Variants in HTR3B observed in about 807,000 individuals in gnomAD.
HTR3B encodes 5-hydroxytryptamine (serotonin) receptor 3B, ionotropic.
In HTR3B, 44 loss-of-function variants were observed where a neutral mutation model predicts 42.8. The ratio of observed to expected loss-of-function variants is 1.03; its 90% CI spans 0.81 to 1.32. HTR3B has a LOEUF of 1.32. Among genes scored for constraint, HTR3B ranks in the 40% most tolerant of loss-of-function variants. HTR3B has a pLI of 0.00. For synonymous variants in HTR3B, 203 were observed against 209.0 expected (o/e 0.97, Z 0.25); for missense variants, 527 against 536.5 (o/e 0.98, Z 0.17).
In HTR3B at chr11:113,946,188, G is replaced by C; in HGVS notation, c.*51G>C. 2 of 1,439,852 alleles carry C rather than the reference G, an allele frequency of 1.4e-6. No homozygotes were observed. The highest frequency in any genetic ancestry group is 9.7e-7 in the Non-Finnish European group (1 of 1,028,020). 89.2% of individuals were successfully genotyped at this position (1,439,852 alleles called of 1,614,324 possible). A position where few individuals can be genotyped will look rare whatever the true frequency, so the allele number is the denominator to read the frequency against. On this transcript the variant is annotated 3_prime_UTR_variant, in exon 9 of 9. Transcript: ENST00000260191. Reference sequence around the variant, plus strand: ...TGCTGGCACTTAGGAGAGAGAGGAGGGGGAATAATAGTGGGTTAAAAAGCT... The same window carrying C: ...TGCTGGCACTTAGGAGAGAGAGGAGCGGGAATAATAGTGGGTTAAAAAGCT...
Position 113,904,884 on chromosome 11 carries a change from T to C in HTR3B, c.-50T>C, listed in dbSNP as rs1369732811. 5.5e-6 allele frequency: 8 copies of C among 1,453,638 alleles called. No homozygotes were observed. Among genetic ancestry groups the C allele is most frequent in the Non-Finnish European group, 7.7e-6 (8 of 1,034,064 alleles). The allele number at this position is 1,453,638 out of a possible 1,614,324, so 90.0% of individuals were successfully genotyped here. On this transcript the variant is annotated 5_prime_UTR_variant, in exon 1 of 9. Coordinates refer to ENST00000260191, the MANE Select transcript of HTR3B (RefSeq NM_006028.5). ...CCTGTTAGGAGAAATTGAGCGGCAT[T>C]CCATCTGGTAGGCAAGTTTGCATTT...
At position 113,948,620 on chromosome 11, in the gene HTR3B, T is replaced by A. The variant is rs1162431105; in HGVS notation, c.*2483T>A. Among the ~76,000 whole-genome samples the A allele has an allele frequency of 6.6e-6, 1 of 152,148 alleles. No homozygotes were observed. The highest frequency in any genetic ancestry group is 2.4e-5 in the African/African-American group (1 of 41,446). ...GGCTCACGCCTATAATCCCAACACT[T>A]TGGGAGGCTGAGGTGGGTGGATTAC... On this transcript the variant is annotated 3_prime_UTR_variant, in exon 9 of 9. Transcript: ENST00000260191.
At chr11:113,944,065 G>A (rs1010550913) in intron 7 of HTR3B, among the ~76,000 whole-genome samples, 7 of 149,482 alleles carry the variant, frequency 4.7e-5, no homozygotes, top group Non-Finnish European at 8.9e-5. Context: ...GTGTCTCCAG[G>A]CTGGAGTGCA....
At chr11:113,927,353 G>C (rs1048349821) in intron 2 of HTR3B, among the ~76,000 whole-genome samples, 4 of 151,660 alleles carry the variant, frequency 2.6e-5, no homozygotes. Context: ...GGGACAGCTT[G>C]GTAACTTAAA....
Position 113,904,905 on chromosome 11 carries a change from CA to C in HTR3B, c.-28del, listed in dbSNP as rs1255372578. ...GCATTCCATCTGGTAGGCAAGTTTG[CA>C]TTTCTCCTTTTTGGGATCTGCCCAG... On this transcript the variant is annotated 5_prime_UTR_variant, in exon 1 of 9. Coordinates refer to ENST00000260191, the MANE Select transcript of HTR3B (RefSeq NM_006028.5). 28 of 1,601,942 alleles carry C rather than the reference CA, an allele frequency of 1.7e-5. No individual in the cohort carries two copies. Among genetic ancestry groups the C allele is most frequent in the Non-Finnish European group, 2.2e-5 (26 of 1,169,124 alleles).
At chr11:113,905,667 T>C (rs897368687) in intron 1 of HTR3B, among the ~76,000 whole-genome samples, 2 of 152,200 alleles carry the variant, frequency 1.3e-5, no homozygotes, top group Admixed American at 6.6e-5. Context: ...TAGGATACAA[T>C]TGATTCTTAG....
intron 2 of HTR3B, among the ~76,000 whole-genome samples, chr11:113,930,869 A>G (rs17116117): frequency 0.053 from 8,060 of 152,232 alleles, 277 homozygotes; most frequent in African/African-American, 0.082. Flanking sequence ...AATCACGTCT[A>G]TTATATCATT....
At chr11:113,935,158 T>C (rs1950080496) in intron 6 of HTR3B, among the ~76,000 whole-genome samples, 1 of 128,924 alleles carries the variant, frequency 7.8e-6, no homozygotes, top group African/African-American at 2.6e-5. Context: ...GAAGGTTTTC[T>C]ATATACCATC....
intron 2 of HTR3B, among the ~76,000 whole-genome samples, chr11:113,922,656 C>T (rs972309243): frequency 3.3e-5 from 5 of 152,046 alleles, no homozygotes; most frequent in African/African-American, 9.7e-5. Flanking sequence ...CCTCGGTTCA[C>T]GCCATTCTCC....
At chr11:113,927,119 A>G (rs1332040732) in intron 2 of HTR3B, among the ~76,000 whole-genome samples, 1 of 152,210 alleles carries the variant, frequency 6.6e-6, no homozygotes, top group Admixed American at 6.5e-5. Context: ...TTGTCATAAA[A>G]TACACAACAT....
At position 113,948,063 on chromosome 11, in the gene HTR3B, C is replaced by T. The variant is rs1417883719; in HGVS notation, c.*1926C>T. 1.3e-5 allele frequency among the ~76,000 whole-genome samples: 2 copies of T among 152,108 alleles called. No individual in the cohort carries two copies. Among genetic ancestry groups the T allele is most frequent in the East Asian group, 1.9e-4 (1 of 5,192 alleles). On this transcript the variant is annotated 3_prime_UTR_variant, in exon 9 of 9. Transcript: ENST00000260191. ...CTCTCTCATTACCTCCCAGTTAGTG[C>T]TCAGCGCCAATTGTCCATGAAATTC...
chr11:113,939,819 C>G (rs560477573), intron 6 of HTR3B, among the ~76,000 whole-genome samples: 1 of 152,032 alleles, frequency 6.6e-6, no homozygotes, highest in East Asian at 1.9e-4. Flanking sequence ...ACTCCATCAT[C>G]CAGGAGGACT....
intron 2 of HTR3B, among the ~76,000 whole-genome samples, chr11:113,927,624 T>C (rs1169604185): frequency 6.6e-6 from 1 of 151,738 alleles, no homozygotes; most frequent in East Asian, 1.9e-4. Flanking sequence ...GAGCAGTGGC[T>C]CAATCTTAGC....
At chr11:113,927,475 C>T (rs1049542768) in intron 2 of HTR3B, among the ~76,000 whole-genome samples, 1 of 151,972 alleles carries the variant, frequency 6.6e-6, no homozygotes, top group Non-Finnish European at 1.5e-5. Context: ...TAAAAGCAAC[C>T]ATCGCTGCTA....
intron 1 of HTR3B, 32 bp from the exon 2 acceptor site, chr11:113,909,263 T>A: frequency 6.3e-7 from 1 of 1,590,546 alleles, no homozygotes; most frequent in African/African-American, 1.3e-5. Flanking sequence ...CTCCTCTTAC[T>A]TTTATCTTCA....
At chr11:113,900,097 A>C (rs1246466390), upstream of HTR3B, among the ~76,000 whole-genome samples, 1 of 152,066 alleles carries the variant, frequency 6.6e-6, no homozygotes, top group African/African-American at 2.4e-5. Flanking sequence ...GTATCTACTA[A>C]CAATACAAAA....
chr11:113,915,546 T>G (rs1458389383), intron 2 of HTR3B, among the ~76,000 whole-genome samples: 6 of 152,258 alleles, frequency 3.9e-5, no homozygotes, highest in Admixed American at 3.9e-4. Flanking sequence ...TAGTAGTATT[T>G]TATTGTACAG....
chr11:113,928,237 G>A (rs984351011), intron 2 of HTR3B, among the ~76,000 whole-genome samples: 6 of 152,034 alleles, frequency 3.9e-5, no homozygotes, highest in Non-Finnish European at 7.4e-5. Context: ...ATGGCTGCAT[G>A]GTATTCCACG....
At position 113,947,109 on chromosome 11, in the gene HTR3B, C is replaced by CT. The variant is rs538527578; in HGVS notation, c.*985dup. The stretch of plus-strand genomic sequence containing the variant: ...GGAGAGAACCCAGGTGCCAAGGCTT[C>CT]TTTTTTTTTTTTTGAGGCAGAGTCT... On this transcript the variant is annotated 3_prime_UTR_variant, in exon 9 of 9. Coordinates refer to ENST00000260191, the MANE Select transcript of HTR3B (RefSeq NM_006028.5). 0.057 allele frequency among the ~76,000 whole-genome samples: 8,250 copies of CT among 145,278 alleles called. 266 individuals are homozygous for CT. The highest frequency in any genetic ancestry group is 0.089 in the African/African-American group (3,538 of 39,950).
Sources: allele counts gnomAD v4.1 joint callset (sites outside exome capture counted in the v4.1 genomes callset), GRCh38; gene constraint gnomAD v4.1.1; transcripts MANE v1.5; gene names NCBI Gene and HGNC (gene_info 2026-07-23, HGNC 2026-07-21).